RIN3: variants seen among roughly 807,000 people sequenced by gnomAD.
RIN3 encodes Ras and Rab interactor 3.
RIN3 carries 54 observed loss-of-function variants against 76.3 expected under a neutral mutation model. That is an observed-to-expected ratio of 0.71 (90% CI 0.57 to 0.89). RIN3 has a LOEUF of 0.89. Among genes scored for constraint, RIN3 ranks in the 40% least tolerant of loss-of-function variants. The pLI is 0.00. For missense variants in RIN3, 1,256 were observed against 1,322.1 expected (o/e 0.95, Z 0.78); for synonymous variants, 576 against 564.0 (o/e 1.02, Z -0.30).
chr14:92,565,616 G>T (rs1333147776), intron 2 of RIN3, among the ~76,000 whole-genome samples: 1 of 152,176 alleles, frequency 6.6e-6, no homozygotes, highest in Non-Finnish European at 1.5e-5. Context: ...AGACTATATA[G>T]GGTAACTTCT....
rs147756885 is a variant in RIN3 at position 92,594,791 on chromosome 14, T to G, written c.367+17314T>G. ...AAGCAAGTTATTTGACTTCTGATCC[T>G]CATTTTCACCAACCACATGATGGGG... On this transcript the variant is annotated intron_variant, in intron 3 of 9. Coordinates refer to ENST00000216487, the MANE Select transcript of RIN3 (RefSeq NM_024832.5). Among the ~76,000 whole-genome samples the G allele has an allele frequency of 1.6e-3, 251 of 152,360 alleles. 1 individual carries two copies. Among genetic ancestry groups the G allele is most frequent in the Non-Finnish European group, 2.7e-3 (185 of 68,032 alleles).
rs112397750 is a variant in RIN3, at chr14:92,681,414, G to C, written c.2468-3573G>C. Among the ~76,000 whole-genome samples the C allele has an allele frequency of 9.0e-4, 137 of 152,330 alleles. No individual in the cohort carries two copies. The highest frequency in any genetic ancestry group is 2.9e-3 in the African/African-American group (120 of 41,572). On this transcript the variant is annotated intron_variant, in intron 8 of 9. Transcript: ENST00000216487. This position sits in a 1 kb window ranked among gnomAD's most constrained non-coding sequence, Gnocchi z 4.7. Reference sequence around the variant, plus strand: ...GACACCCCCAGAGCACCTCCCTGAGGCCTCATAGCCACCATGCGTTATTCA... The same window carrying C: ...GACACCCCCAGAGCACCTCCCTGAGCCCTCATAGCCACCATGCGTTATTCA...
chr14:92,612,662 G>C (rs1299776430), intron 3 of RIN3, among the ~76,000 whole-genome samples: 1 of 152,262 alleles, frequency 6.6e-6, no homozygotes, highest in Non-Finnish European at 1.5e-5. Context: ...TTCGTGTGAA[G>C]AGATGCTGTT....
intron 3 of RIN3, among the ~76,000 whole-genome samples, chr14:92,590,244 C>A (rs1884932875): frequency 6.6e-6 from 1 of 152,200 alleles, no homozygotes; most frequent in African/African-American, 2.4e-5. Context: ...TATGCCAGAG[C>A]AGTCTGTTCT....
chr14:92,671,851 A>G (rs780979142), intron 7 of RIN3, among the ~76,000 whole-genome samples: 6 of 152,192 alleles, frequency 3.9e-5, no homozygotes, highest in Non-Finnish European at 8.8e-5. Flanking sequence ...CCCATTTTGC[A>G]GATGTAGAAA....
At chr14:92,529,619 C>T (rs997536823) in intron 1 of RIN3, among the ~76,000 whole-genome samples, 2 of 152,226 alleles carry the variant, frequency 1.3e-5, no homozygotes, top group African/African-American at 4.8e-5. Context: ...CCGGCGGGCA[C>T]ATTCCCAGCT....
chr14:92,585,116 G>A (rs562374922), intron 3 of RIN3, among the ~76,000 whole-genome samples: 41 of 152,266 alleles, frequency 2.7e-4, no homozygotes, highest in Non-Finnish European at 1.9e-4. Flanking sequence ...GGGCTCAAGC[G>A]ATCCTCCTGC....
chr14:92,675,373 G>C (rs1888424532), intron 7 of RIN3, among the ~76,000 whole-genome samples: 1 of 152,192 alleles, frequency 6.6e-6, no homozygotes, highest in Non-Finnish European at 1.5e-5. Flanking sequence ...AACATGTCAA[G>C]TAGAAACACA....
intron 2 of RIN3, among the ~76,000 whole-genome samples, chr14:92,564,993 T>A (rs987449530): frequency 2.0e-5 from 3 of 152,198 alleles, no homozygotes; most frequent in African/African-American, 7.2e-5. Context: ...GGCATGAATG[T>A]GAACTGTTCT....
At chr14:92,565,087 G>C (rs1897882814) in intron 2 of RIN3, among the ~76,000 whole-genome samples, 2 of 152,226 alleles carry the variant, frequency 1.3e-5, no homozygotes, top group African/African-American at 4.8e-5. Context: ...GTCTCCCTGT[G>C]TTCCCTCACT....
chr14:92,547,986 G>A (rs1180927964), intron 1 of RIN3, among the ~76,000 whole-genome samples: 1 of 152,176 alleles, frequency 6.6e-6, no homozygotes, highest in Admixed American at 6.5e-5. Flanking sequence ...TTACAGGCAT[G>A]AGTCACCGCA....
intron 4 of RIN3, among the ~76,000 whole-genome samples, chr14:92,634,336 T>C (rs1334538396): frequency 6.6e-6 from 1 of 151,620 alleles, no homozygotes; most frequent in Non-Finnish European, 1.5e-5. Context: ...CACCTCAGCC[T>C]CCCAAAGTGC....
intron 3 of RIN3, among the ~76,000 whole-genome samples, chr14:92,584,616 A>G (rs1022921148): frequency 2.0e-5 from 3 of 152,088 alleles, no homozygotes; most frequent in Non-Finnish European, 4.4e-5. Context: ...ATGTGTGTGG[A>G]GAGAGAGGGG....
chr14:92,611,671 C>T (rs1025959815), intron 3 of RIN3, among the ~76,000 whole-genome samples: 1 of 152,174 alleles, frequency 6.6e-6, no homozygotes, highest in Non-Finnish European at 1.5e-5. Flanking sequence ...GTCATATTCA[C>T]GTGTGTTAGA....
At chr14:92,660,992 G>A (rs570186247) in intron 7 of RIN3, among the ~76,000 whole-genome samples, 1 of 152,304 alleles carries the variant, frequency 6.6e-6, no homozygotes, top group East Asian at 1.9e-4. Flanking sequence ...ACGTGGGTTC[G>A]AACTCCTGGT....
chr14:92,587,321 G>T (rs1884811485), intron 3 of RIN3, among the ~76,000 whole-genome samples: 1 of 152,236 alleles, frequency 6.6e-6, no homozygotes, highest in Non-Finnish European at 1.5e-5. Flanking sequence ...GGGGAGCTAA[G>T]ATAAGGGGCA....
chr14:92,523,033 C>T (rs1457508160), intron 1 of RIN3, among the ~76,000 whole-genome samples: 1 of 152,226 alleles, frequency 6.6e-6, no homozygotes, highest in Non-Finnish European at 1.5e-5. Flanking sequence ...GGGTCCCAAA[C>T]ATGTCAGACC....
chr14:92,520,371 G>T (rs117408525), intron 1 of RIN3, among the ~76,000 whole-genome samples: 1 of 152,210 alleles, frequency 6.6e-6, no homozygotes, highest in Non-Finnish European at 1.5e-5. Context: ...CCAGTAGAGG[G>T]GGGTGGGAGT....
chr14:92,542,849 G>A (rs1483865427), intron 1 of RIN3, among the ~76,000 whole-genome samples: 1 of 152,206 alleles, frequency 6.6e-6, no homozygotes, highest in Non-Finnish European at 1.5e-5. Context: ...ACCACATAGT[G>A]TATGCCTCTG....
Sources: gnomAD v4.1 joint callset for allele counts (sites outside exome capture counted in the v4.1 genomes callset) on GRCh38, gnomAD v4.1.1 for gene constraint, Gnocchi (gnomAD v3.1) non-coding constraint, MANE v1.5 for transcripts, NCBI Gene and HGNC (gene_info 2026-07-23, HGNC 2026-07-21) for gene names.